ZC3H11A: variants seen among roughly 807,000 people sequenced by gnomAD.
ZC3H11A encodes the protein zinc finger CCCH domain-containing protein 11A.
A neutral mutation model predicts 90.8 loss-of-function variants in ZC3H11A; 22 were observed. That is an observed-to-expected ratio of 0.24 (90% CI 0.17 to 0.35). ZC3H11A has a LOEUF of 0.35. Among genes scored for constraint, ZC3H11A ranks in the 10% least tolerant of loss-of-function variants. The pLI is 1.00. For missense variants in ZC3H11A, 701 were observed against 964.9 expected (o/e 0.73, Z 3.62); for synonymous variants, 294 against 339.8 (o/e 0.87, Z 1.48).
chr1:203,818,479 G>T, intron 3 of ZC3H11A, 91 bp from the exon 4 acceptor site: 1 of 1,551,222 alleles, frequency 6.4e-7, no homozygotes, highest in Non-Finnish European at 8.8e-7. Context: ...ACTCATTTGT[G>T]CTTGTCTAAA....
chr1:203,797,641 A>T, intron 1 of ZC3H11A: 2 of 1,536,116 alleles, frequency 1.3e-6, no homozygotes, highest in Non-Finnish European at 1.7e-6. Context: ...ACAGATGAAG[A>T]AGATGTGGTA....
At chr1:203,819,551 T>TTTTTTTTTA (rs1677741962) in intron 4 of ZC3H11A, among the ~76,000 whole-genome samples, 2 of 83,014 alleles carry the variant, frequency 2.4e-5, no homozygotes, top group African/African-American at 9.7e-5. Flanking sequence ...TTTTTTTTTT[T>TTTTTTTTTA]GAGACAGAGT....
intron 8 of ZC3H11A, 67 bp from the exon 9 acceptor site, chr1:203,831,594 A>AT: frequency 6.9e-7 from 1 of 1,440,120 alleles, no homozygotes; most frequent in Non-Finnish European, 9.6e-7. Flanking sequence ...ACAAAAACAA[A>AT]TTTTTTGACT....
At position 203,845,106 on chromosome 1, in the gene ZC3H11A, C is replaced by CA. The variant is rs565456556; in HGVS notation, c.1043-2077dup. Among the ~76,000 whole-genome samples, 656 of 152,294 alleles carry CA rather than the reference C, an allele frequency of 4.3e-3. 7 individuals are homozygous for CA. Among genetic ancestry groups the CA allele is most frequent in the African/African-American group, 0.015 (625 of 41,560 alleles). ...TGACTGTATTGGGAGGAACAGAACT[C>CA]ACGCCTATGGTTTTAACTATTATTT... is the stretch of plus-strand genomic sequence containing the variant. On this transcript the variant is annotated intron_variant, in intron 12 of 17. Coordinates refer to ENST00000367210, the MANE Select transcript of ZC3H11A (RefSeq NM_001376342.1).
intron 13 of ZC3H11A, among the ~76,000 whole-genome samples, chr1:203,847,966 C>T (rs1688335500): frequency 1.3e-5 from 2 of 152,130 alleles, no homozygotes; most frequent in South Asian, 4.1e-4. Flanking sequence ...AGTGATTCTC[C>T]TGCCTCAGCC....
rs1689624970 is a variant in ZC3H11A, at chr1:203,853,212, G to C, written c.*813G>C. On this transcript the variant is annotated 3_prime_UTR_variant, in exon 18 of 18. Transcript: ENST00000367210. ...CAGTACTTGCCTCCTTGCTGGCATT[G>C]AATTAACACAGGGACAAAATTTGGT... 6.6e-6 allele frequency: 1 copy of C among 152,362 alleles called. No homozygotes were observed. The highest frequency in any genetic ancestry group is 6.6e-5 in the Admixed American group (1 of 15,250). 9.4% of individuals were successfully genotyped at this position (152,362 alleles called of 1,614,324 possible).
intron 3 of ZC3H11A, among the ~76,000 whole-genome samples, 189 bp downstream of exon 3, chr1:203,817,313 A>G (rs1166597117): frequency 6.6e-6 from 1 of 152,124 alleles, no homozygotes; most frequent in Non-Finnish European, 1.5e-5. Context: ...CATTTTATAT[A>G]TAACTAATTT....
intron 1 of ZC3H11A, chr1:203,797,969 C>T: frequency 6.5e-7 from 1 of 1,535,446 alleles, no homozygotes; most frequent in Admixed American, 2.0e-5. Flanking sequence ...CCTGGCGGGC[C>T]ATTTGTAACC....
chr1:203,825,101 T>C (rs1268090939), intron 4 of ZC3H11A, among the ~76,000 whole-genome samples: 7 of 114,336 alleles, frequency 6.1e-5, no homozygotes, highest in Non-Finnish European at 9.3e-5. Context: ...AAAAAGAAAA[T>C]AGATGTTAGA....
At position 203,852,340 on chromosome 1, in the gene ZC3H11A, G is replaced by A; in HGVS notation, c.2374G>A (p.Asp792Asn). The change falls in exon 18 of 18, where the codon GAT becomes AAT. Residue 792 changes from aspartate to asparagine, a missense_variant. Asp to Asn is a conservative substitution (Grantham distance 23, BLOSUM62 1). Coordinates refer to ENST00000367210, the MANE Select transcript of ZC3H11A (RefSeq NM_001376342.1). ...CAAATTGGAAGCTGAGATTGACCTG[G>A]ATCCTGGGAAAGATGAAGATGACCT... The part of the protein sequence containing the change: ...GGKLEAEIDL[D>N]PGKDEDDLLL... 6.2e-7 allele frequency: 1 copy of A among 1,613,722 alleles called. No individual in the cohort carries two copies. The highest frequency in any genetic ancestry group is 8.5e-7 in the Non-Finnish European group (1 of 1,179,836).
chr1:203,820,677 G>A (rs1035538010), intron 4 of ZC3H11A, among the ~76,000 whole-genome samples: 4 of 151,834 alleles, frequency 2.6e-5, no homozygotes, highest in Non-Finnish European at 5.9e-5. Flanking sequence ...ACGAGGTTTC[G>A]CGATGTTGGC....
intron 2 of ZC3H11A, among the ~76,000 whole-genome samples, chr1:203,807,480 G>A (rs1166637841): frequency 1.3e-5 from 2 of 151,278 alleles, no homozygotes; most frequent in African/African-American, 2.4e-5. Flanking sequence ...CTGTTTTTTG[G>A]GTTTGTAATA....
chr1:203,820,511 G>A (rs1053481832), intron 4 of ZC3H11A, among the ~76,000 whole-genome samples: 3 of 127,998 alleles, frequency 2.3e-5, no homozygotes, highest in Admixed American at 7.5e-5. Flanking sequence ...AGAGTCTCGC[G>A]CTGTTACCCA....
chr1:203,823,126 G>A (rs11578774), intron 4 of ZC3H11A, among the ~76,000 whole-genome samples: 42 of 152,282 alleles, frequency 2.8e-4, no homozygotes, highest in Non-Finnish European at 5.3e-4. Context: ...TATTGGCACA[G>A]CTCCTATGGA....
intron 2 of ZC3H11A, among the ~76,000 whole-genome samples, chr1:203,808,227 A>C (rs1455790266): frequency 6.7e-6 from 1 of 149,470 alleles, no homozygotes; most frequent in African/African-American, 2.4e-5. Flanking sequence ...TTCTAAACTT[A>C]AAGGTCATAA....
intron 8 of ZC3H11A, among the ~76,000 whole-genome samples, chr1:203,831,437 A>G (rs1381413671): frequency 2.0e-5 from 3 of 152,106 alleles, no homozygotes; most frequent in East Asian, 1.9e-4. Context: ...TTGGGTGCCT[A>G]AGTCACTCAA....
At chr1:203,837,758 CT>C (rs1213135962) in intron 10 of ZC3H11A, among the ~76,000 whole-genome samples, 1 of 152,102 alleles carries the variant, frequency 6.6e-6, no homozygotes, top group African/African-American at 2.4e-5. Flanking sequence ...GATTACAGGC[CT>C]GAGCCACTGC....
intron 2 of ZC3H11A, chr1:203,805,719 T>C (rs906002334): frequency 1.2e-5 from 8 of 662,736 alleles, no homozygotes; most frequent in Non-Finnish European, 2.3e-5. Context: ...GTGCAGATGC[T>C]GGCTCATCTA....
chr1:203,826,135 T>TA (rs914733369), intron 4 of ZC3H11A, among the ~76,000 whole-genome samples: 13 of 152,268 alleles, frequency 8.5e-5, no homozygotes, highest in African/African-American at 2.9e-4. Context: ...TATTCCTGTC[T>TA]AAAAAACAGT....
Sources: gnomAD v4.1 joint callset for allele counts (sites outside exome capture counted in the v4.1 genomes callset) on GRCh38, gnomAD v4.1.1 for gene constraint, MANE v1.5 for transcripts, NCBI Gene and HGNC (gene_info 2026-07-23, HGNC 2026-07-21) for gene names.